The following NLGN4Y variants were observed in gnomAD, a reference collection of about 807,000 sequenced individuals.
NLGN4Y encodes neuroligin-4, Y-linked.
A neutral mutation model predicts 8.4 loss-of-function variants in NLGN4Y; 4 were observed. The ratio of observed to expected loss-of-function variants is 0.48; its 90% confidence interval spans 0.23 to 1.09. The LOEUF is 1.09. Ranked by LOEUF, NLGN4Y falls within the 50% of genes least tolerant of loss-of-function variation. The probability of loss-of-function intolerance (pLI) is 0.19; values close to 1 mark genes in which losing one functional copy is unlikely to be tolerated. For missense variants in NLGN4Y, 90 were observed against 192.3 expected (o/e 0.47, Z 3.15); for synonymous variants, 35 against 75.6 (o/e 0.46, Z 2.78).
intron 2 of NLGN4Y, among the ~76,000 whole-genome samples, chrY:14,623,261 A>G (rs2080517289): frequency 2.9e-5 from 1 of 34,047 alleles, no homozygotes; most frequent in Admixed American, 2.7e-4. Context: ...TTTCTATAAA[A>G]CACCAATGAA....
chrY:14,751,037 A>G, intron 4 of NLGN4Y, among the ~76,000 whole-genome samples: 1 of 33,524 alleles, frequency 3.0e-5, no homozygotes, highest in South Asian at 6.6e-4. Flanking sequence ...GCAACTTCAT[A>G]TTACTTTCCG....
intron 4 of NLGN4Y, among the ~76,000 whole-genome samples, chrY:14,788,295 C>CATTGT (rs2042974779): frequency 3.0e-5 from 1 of 33,423 alleles, no homozygotes; most frequent in Non-Finnish European, 7.4e-5. Context: ...GGTTTCTCTT[C>CATTGT]ATTGTCGACC....
intron 1 of NLGN4Y, among the ~76,000 whole-genome samples, chrY:14,552,608 G>A (rs2080197378): frequency 3.0e-5 from 1 of 33,686 alleles, no homozygotes; most frequent in Non-Finnish European, 7.4e-5. Flanking sequence ...CAATGGGATG[G>A]AAGTCTGAAT....
intron 6 of NLGN4Y, among the ~76,000 whole-genome samples, chrY:14,834,947 G>A: frequency 8.9e-5 from 3 of 33,679 alleles, no homozygotes; most frequent in Non-Finnish European, 2.2e-4. Context: ...GTGACAAGAG[G>A]AAACAAGAAT....
chrY:14,639,528 A>G, intron 2 of NLGN4Y: 1 of 238,788 alleles, frequency 4.2e-6, no homozygotes, highest in Non-Finnish European at 6.9e-6. Context: ...GGCTACCTTC[A>G]GTAAGATTCC....
intron 1 of NLGN4Y, among the ~76,000 whole-genome samples, chrY:14,575,525 G>T (rs2080294468): frequency 3.1e-5 from 1 of 32,412 alleles, no homozygotes; most frequent in Non-Finnish European, 7.5e-5. Context: ...TCTTTGCCAT[G>T]GGTTCAAACT....
At chrY:14,783,556 G>T (rs2042949586) in intron 4 of NLGN4Y, among the ~76,000 whole-genome samples, 1 of 32,703 alleles carries the variant, frequency 3.1e-5, no homozygotes. Flanking sequence ...ATATATTTAG[G>T]TTCCATATAT....
chrY:14,582,771 C>T (rs763543166), intron 1 of NLGN4Y, among the ~76,000 whole-genome samples: 76 of 34,024 alleles, frequency 2.2e-3, no homozygotes, highest in Admixed American at 3.7e-3. Flanking sequence ...TATGTGTTCT[C>T]CCACAAATTC....
chrY:14,713,001 A>G, intron 2 of NLGN4Y, among the ~76,000 whole-genome samples: 5 of 33,161 alleles, frequency 1.5e-4, no homozygotes, highest in Admixed American at 1.4e-3. Context: ...ACCCACATCT[A>G]TCATGGCCAA....
intron 2 of NLGN4Y, among the ~76,000 whole-genome samples, chrY:14,712,091 C>G: frequency 3.4e-5 from 1 of 29,679 alleles, no homozygotes; most frequent in Non-Finnish European, 8.0e-5. Flanking sequence ...AAAAAAAAAG[C>G]CTGCCATCTT....
At position 14,841,367 on chromosome Y, in the gene NLGN4Y, A is replaced by G; in HGVS notation, c.*105A>G. On this transcript the variant is annotated 3_prime_UTR_variant, in exon 7 of 7. Coordinates refer to ENST00000684976, the MANE Select transcript of NLGN4Y (RefSeq NM_001365588.1). The stretch of plus-strand genomic sequence containing the variant: ...TCCAAACCAGGAATGTTTTTGTGCC[A>G]CTGACTTTAGATAAAAATGCAAAAG... 1 of 308,446 alleles carries G rather than the reference A, an allele frequency of 3.2e-6. No homozygotes were observed. Among genetic ancestry groups the G allele is most frequent in the Non-Finnish European group, 4.8e-6 (1 of 209,132 alleles). The allele number at this position is 308,446 out of a possible 400,897, so 76.9% of individuals were successfully genotyped here. A position where few individuals can be genotyped will look rare whatever the true frequency, so the allele number is the denominator to read the frequency against.
At chrY:14,675,722 A>T in intron 2 of NLGN4Y, among the ~76,000 whole-genome samples, 1 of 32,613 alleles carries the variant, frequency 3.1e-5, no homozygotes, top group South Asian at 7.1e-4. Context: ...CTTCTTGCAC[A>T]TCATCAAATG....
At chrY:14,726,647 T>C (rs748024646) in intron 4 of NLGN4Y, among the ~76,000 whole-genome samples, 24 of 33,824 alleles carry the variant, frequency 7.1e-4, no homozygotes, top group African/African-American at 2.7e-3. Flanking sequence ...AAGATACCAA[T>C]GATAGGAAGT....
rs762786411 is a variant in NLGN4Y at position 14,840,972 on chromosome Y, A to G, written c.2221A>G (p.Ile741Val). 6 of 398,677 alleles carry G rather than the reference A, an allele frequency of 1.5e-5. No individual in the cohort carries two copies. The highest frequency in any genetic ancestry group is 2.1e-5 in the Non-Finnish European group (6 of 283,636). The stretch of plus-strand genomic sequence containing the variant: ...TCCCCAGAGAAACACCACAAATGAT[A>G]TCACTCACATCCAGAACGAAGAGAT... The part of the protein sequence containing the change: ...PSPQRNTTND[I>V]THIQNEEIMS... The change falls in exon 7 of 7, where the codon ATC (isoleucine) becomes GTC (valine). Residue 741 changes from isoleucine to valine, a missense_variant. Ile to Val is a conservative substitution (Grantham distance 29). Coordinates refer to ENST00000684976, the MANE Select transcript of NLGN4Y (RefSeq NM_001365588.1).
At chrY:14,678,359 C>A (rs2080757204) in intron 2 of NLGN4Y, among the ~76,000 whole-genome samples, 1 of 33,290 alleles carries the variant, frequency 3.0e-5, no homozygotes, top group Non-Finnish European at 7.4e-5. Flanking sequence ...TCTTCTCATG[C>A]ATTGATAATA....
intron 1 of NLGN4Y, among the ~76,000 whole-genome samples, chrY:14,621,081 G>GTT (rs577020169): frequency 1.1e-4 from 3 of 27,686 alleles, no homozygotes; most frequent in African/African-American, 2.8e-4. Flanking sequence ...ATCTTGTACA[G>GTT]TTTTTTTTTT....
chrY:14,612,101 C>T, intron 1 of NLGN4Y, among the ~76,000 whole-genome samples: 1 of 33,572 alleles, frequency 3.0e-5, no homozygotes, highest in South Asian at 6.6e-4. Context: ...CTTGTGTATG[C>T]CTCAGGAAGT....
intron 1 of NLGN4Y, among the ~76,000 whole-genome samples, chrY:14,551,845 G>A: frequency 3.0e-5 from 1 of 33,240 alleles, no homozygotes; most frequent in African/African-American, 1.2e-4. Context: ...ATCTAAAACC[G>A]ACACACTAAC....
chrY:14,673,400 T>C (rs2080731992), intron 2 of NLGN4Y, among the ~76,000 whole-genome samples: 1 of 33,782 alleles, frequency 3.0e-5, no homozygotes, highest in African/African-American at 1.2e-4. Flanking sequence ...AAAGAAGATA[T>C]TTATGCAGCC....
Sources: gnomAD v4.1 joint callset for allele counts (sites outside exome capture counted in the v4.1 genomes callset) on GRCh38, gnomAD v4.1.1 for gene constraint, MANE v1.5 for transcripts, NCBI Gene and HGNC (gene_info 2026-07-23, HGNC 2026-07-21) for gene names.